The following SLC44A5 variants were observed in gnomAD, a reference collection of about 807,000 sequenced individuals.
The protein encoded by SLC44A5 is solute carrier family 44 member 5, also known as choline transporter-like protein 5.
Under a neutral mutation model 101.8 loss-of-function variants are expected in SLC44A5, and 57 were observed. The ratio of observed to expected loss-of-function variants is 0.56; its 90% CI spans 0.45 to 0.70. The LOEUF (loss-of-function observed/expected upper bound fraction) is 0.70, where lower values mean the gene tolerates loss of function less well. Ranked by LOEUF, SLC44A5 falls within the 30% of genes least tolerant of loss-of-function variation. The probability of loss-of-function intolerance (pLI) is 0.00; values close to 1 mark genes in which losing one functional copy is unlikely to be tolerated. For missense variants in SLC44A5, 737 were observed against 853.1 expected, an observed-to-expected ratio of 0.86 and a Z score of 1.70; for synonymous variants, 281 against 290.9, an observed-to-expected ratio of 0.97 and a Z score of 0.35.
chr1:75,487,405 T>A (rs1175141203), intron 2 of SLC44A5, among the ~76,000 whole-genome samples: 1 of 152,142 alleles, frequency 6.6e-6, no homozygotes, highest in Non-Finnish European at 1.5e-5. Context: ...GGAAACCACA[T>A]CTATAGTAGC....
chr1:75,344,512 TG>T (rs1658108346), intron 3 of SLC44A5, among the ~76,000 whole-genome samples: 1 of 152,130 alleles, frequency 6.6e-6, no homozygotes, highest in Non-Finnish European at 1.5e-5. Context: ...CTGGTTTATC[TG>T]GGTGAGCCCA....
chr1:75,273,929 G>A (rs78322671), intron 6 of SLC44A5, among the ~76,000 whole-genome samples: 8,697 of 152,054 alleles, frequency 0.057, 288 homozygotes, highest in Middle Eastern at 0.12. Flanking sequence ...TCTATCTTTC[G>A]GAATAGTTTT....
At chr1:75,386,266 AT>A (rs1230903129) in intron 3 of SLC44A5, among the ~76,000 whole-genome samples, 1 of 152,160 alleles carries the variant, frequency 6.6e-6, no homozygotes, top group Non-Finnish European at 1.5e-5. Flanking sequence ...AGGAAGTCAA[AT>A]TGTCCCTGTT....
At chr1:75,649,243 A>G in the SLC44A5 span, among the ~76,000 whole-genome samples, 1 of 152,190 alleles carries the variant, frequency 6.6e-6, no homozygotes, top group East Asian at 1.9e-4. Context: ...CTTAATCCCT[A>G]AGGCAACATG....
the SLC44A5 span, among the ~76,000 whole-genome samples, chr1:75,669,824 G>A: frequency 2.6e-5 from 4 of 152,210 alleles, no homozygotes; most frequent in Admixed American, 2.6e-4. Context: ...AACATACCAG[G>A]AGCTTTACTA....
chr1:75,656,241 C>T, the SLC44A5 span, among the ~76,000 whole-genome samples: 1 of 152,186 alleles, frequency 6.6e-6, no homozygotes. Context: ...CCAGACCTGT[C>T]TTACAAGAAA....
intron 2 of SLC44A5, among the ~76,000 whole-genome samples, chr1:75,479,448 T>G (rs1202887554): frequency 6.6e-6 from 1 of 151,936 alleles, no homozygotes; most frequent in African/African-American, 2.4e-5. Flanking sequence ...CTTCAAAAAT[T>G]AATGAATCCA....
chr1:75,301,457 A>G (rs1482407340), intron 4 of SLC44A5, among the ~76,000 whole-genome samples: 1 of 152,202 alleles, frequency 6.6e-6, no homozygotes, highest in Non-Finnish European at 1.5e-5. Context: ...CAATACTGTC[A>G]TTCTTTATTT....
chr1:75,273,600 T>A (rs1248811747), intron 6 of SLC44A5, among the ~76,000 whole-genome samples: 3 of 152,190 alleles, frequency 2.0e-5, no homozygotes, highest in Non-Finnish European at 4.4e-5. Context: ...TGCTAGATTT[T>A]ATCAAATGCT....
chr1:75,680,504 A>C, the SLC44A5 span, among the ~76,000 whole-genome samples: 1 of 150,976 alleles, frequency 6.6e-6, no homozygotes, highest in East Asian at 1.9e-4. Flanking sequence ...CCTGCTCCTG[A>C]ATGACTACTG....
intron 2 of SLC44A5, among the ~76,000 whole-genome samples, chr1:75,441,863 C>A (rs1421520131): frequency 6.6e-6 from 1 of 151,870 alleles, no homozygotes; most frequent in African/African-American, 2.4e-5. Context: ...TTAATTATTG[C>A]CAGGTCAAGG....
intron 1 of SLC44A5, among the ~76,000 whole-genome samples, chr1:75,601,070 C>T (rs1162595088): frequency 6.6e-6 from 1 of 152,118 alleles, no homozygotes; most frequent in Non-Finnish European, 1.5e-5. Context: ...TTCCTGTCTA[C>T]CCATAGTGGA....
the SLC44A5 span, among the ~76,000 whole-genome samples, chr1:75,719,797 G>A: frequency 6.6e-6 from 1 of 152,084 alleles, no homozygotes; most frequent in Non-Finnish European, 1.5e-5. Flanking sequence ...GAAATTCAAC[G>A]AAGCCTGTCA....
At chr1:75,586,027 C>A (rs1032143602) in intron 1 of SLC44A5, among the ~76,000 whole-genome samples, 2 of 152,096 alleles carry the variant, frequency 1.3e-5, no homozygotes, top group Non-Finnish European at 2.9e-5. Flanking sequence ...CCACAGAGTG[C>A]CCAGACACTT....
chr1:75,230,278 C>T (rs1017924239), intron 12 of SLC44A5, among the ~76,000 whole-genome samples: 6 of 151,342 alleles, frequency 4.0e-5, no homozygotes, highest in South Asian at 2.1e-4. Flanking sequence ...GACAGAGTCT[C>T]GCTCTGTCAC....
At chr1:75,351,440 T>C (rs1658649731) in intron 3 of SLC44A5, among the ~76,000 whole-genome samples, 1 of 151,938 alleles carries the variant, frequency 6.6e-6, no homozygotes, top group South Asian at 2.1e-4. Context: ...AAGCCTGAAG[T>C]GAAAGGGTAA....
intron 2 of SLC44A5, among the ~76,000 whole-genome samples, chr1:75,434,186 AG>A (rs1205209583): frequency 6.6e-6 from 1 of 152,130 alleles, no homozygotes; most frequent in Non-Finnish European, 1.5e-5. Context: ...TTACATAGTT[AG>A]AAACTTGAGT....
At chr1:75,616,484 G>A in the SLC44A5 span, among the ~76,000 whole-genome samples, 6 of 152,234 alleles carry the variant, frequency 3.9e-5, no homozygotes, top group South Asian at 1.2e-3. Flanking sequence ...AAAAGGCCAG[G>A]ACGCGCTGGG....
At chr1:75,578,264 G>A (rs1228756862) in intron 1 of SLC44A5, among the ~76,000 whole-genome samples, 2 of 151,998 alleles carry the variant, frequency 1.3e-5, no homozygotes, top group African/African-American at 2.4e-5. Context: ...AGCTAATTGA[G>A]TTTAAATAAA....
Sources: gnomAD v4.1 joint callset for allele counts (sites outside exome capture counted in the v4.1 genomes callset) on GRCh38, gnomAD v4.1.1 for gene constraint, MANE v1.5 for transcripts, NCBI Gene and HGNC (gene_info 2026-07-23, HGNC 2026-07-21) for gene names.